CSNK1G2: variants seen among roughly 807,000 people sequenced by gnomAD.
The protein encoded by CSNK1G2 is casein kinase 1 gamma 2, also known as casein kinase I isoform gamma-2.
Under a neutral mutation model 48.0 loss-of-function variants are expected in CSNK1G2, and 11 were observed. That is an observed-to-expected ratio of 0.23 (90% CI 0.14 to 0.38). The LOEUF (loss-of-function observed/expected upper bound fraction) is 0.38. Ranked by LOEUF, CSNK1G2 falls within the 10% of genes least tolerant of loss-of-function variation. The pLI, the probability that CSNK1G2 is intolerant of heterozygous loss-of-function variation, is 1.00. For missense variants in CSNK1G2, 446 were observed against 595.5 expected (o/e 0.75, Z 2.61); for synonymous variants, 337 against 254.1 (o/e 1.33, Z -3.10).
In CSNK1G2 at chr19:1,945,001, G is replaced by A. The variant is rs189021004; in HGVS notation, c.-266+3583G>A. On this transcript the variant is annotated intron_variant, in intron 1 of 11. Coordinates refer to ENST00000255641, the MANE Select transcript of CSNK1G2 (RefSeq NM_001319.7). Reference sequence around the variant, plus strand: ...CCAGCAAGGGCATGGGACAAAGCAGGACATGCCCCGGGTGGCCAGCGTGAG... The same window carrying A: ...CCAGCAAGGGCATGGGACAAAGCAGAACATGCCCCGGGTGGCCAGCGTGAG... Among the ~76,000 whole-genome samples the A allele has an allele frequency of 5.4e-4, 82 of 152,358 alleles. 1 individual carries two copies. The highest frequency in any genetic ancestry group is 4.3e-3 in the South Asian group (21 of 4,832).
At chr19:1,968,554 A>G (rs530131684) in intron 1 of CSNK1G2, among the ~76,000 whole-genome samples, 21 of 152,330 alleles carry the variant, frequency 1.4e-4, no homozygotes, top group African/African-American at 4.3e-4. Flanking sequence ...GTGGGTGGCA[A>G]CAGGCTCTGG....
At position 1,978,758 on chromosome 19, in the gene CSNK1G2, G is replaced by A. The variant is rs753030863; in HGVS notation, c.447+8G>A. On this transcript the variant is annotated splice_region_variant and intron_variant, in intron 5 of 11. Coordinates refer to ENST00000255641, the MANE Select transcript of CSNK1G2 (RefSeq NM_001319.7). This position sits in a 1 kb window ranked among gnomAD's most constrained non-coding sequence, Gnocchi z 7.3. ...ATGATCGCCATCCAGCTGGTGCGCG[G>A]CGGGCGGGGCGGGGCGGGGCTCGGA... 60 of 1,573,378 alleles carry A rather than the reference G, an allele frequency of 3.8e-5. No homozygotes were observed. Among genetic ancestry groups the A allele is most frequent in the Non-Finnish European group, 5.1e-5 (59 of 1,158,998 alleles).
At chr19:1,956,512 G>C (rs114557297) in intron 1 of CSNK1G2, among the ~76,000 whole-genome samples, 2,448 of 152,254 alleles carry the variant, frequency 0.016, 55 homozygotes, top group African/African-American at 0.056. Context: ...GCTAGATCCT[G>C]TCTCAAAAAA....
In CSNK1G2 at chr19:1,966,779, G is replaced by A. The variant is rs550534220; in HGVS notation, c.-265-2729G>A. Among the ~76,000 whole-genome samples the A allele has an allele frequency of 2.1e-4, 32 of 152,248 alleles. 1 individual carries two copies. The highest frequency in any genetic ancestry group is 1.7e-3 in the South Asian group (8 of 4,818). Reference sequence around the variant, plus strand: ...CCACCGCCCCAACGAGTCAGCCGCCGTCCACATTGAGGCAAGACCCTTCTC... The same window carrying A: ...CCACCGCCCCAACGAGTCAGCCGCCATCCACATTGAGGCAAGACCCTTCTC... On this transcript the variant is annotated intron_variant, in intron 1 of 11. Transcript: ENST00000255641.
chr19:1,941,749 A>C (rs1319494033), intron 1 of CSNK1G2, among the ~76,000 whole-genome samples: 19 of 138,884 alleles, frequency 1.4e-4, no homozygotes, highest in Admixed American at 5.6e-4. Context: ...AGTGACCCTC[A>C]CACTCCAGAC....
At chr19:1,942,908 A>C (rs2014421449) in intron 1 of CSNK1G2, among the ~76,000 whole-genome samples, 1 of 152,144 alleles carries the variant, frequency 6.6e-6, no homozygotes, top group Admixed American at 6.5e-5. Context: ...TGAGTTTCCC[A>C]GGCAGGCAGC....
chr19:1,979,429 TG>T, intron 8 of CSNK1G2, 26 bp downstream of exon 8: 1 of 984,738 alleles, frequency 1.0e-6, no homozygotes, highest in Non-Finnish European at 1.4e-6. Flanking sequence ...GCCCCCGCCC[TG>T]TGCCCCCCAC....
At chr19:1,947,667 C>T (rs1303141502) in intron 1 of CSNK1G2, among the ~76,000 whole-genome samples, 3 of 152,186 alleles carry the variant, frequency 2.0e-5, no homozygotes, top group Non-Finnish European at 2.9e-5. Context: ...TGGGCCCTGG[C>T]CACGTGCAGG....
At position 1,942,063 on chromosome 19, in the gene CSNK1G2, T is replaced by TG. The variant is rs912948174; in HGVS notation, c.-266+652dup. ...TCTTGAGGGGGAGAGCAGGGGGTGG[T>TG]GGGGGGGAGGAAGGTGGTCTGATCC... On this transcript the variant is annotated intron_variant, in intron 1 of 11. Transcript: ENST00000255641. Among the ~76,000 whole-genome samples the TG allele has an allele frequency of 3.3e-5, 5 of 150,814 alleles. No individual in the cohort carries two copies. In the East Asian group the frequency reaches 5.9e-4, roughly 18 times the overall value.
chr19:1,952,945 C>T lies in CSNK1G2; in HGVS notation c.-266+11527C>T, dbSNP rs183212922. On this transcript the variant is annotated intron_variant, in intron 1 of 11. Transcript: ENST00000255641. ...GTGGAGGGAAACCGGGGCGGGATGT[C>T]GCCCGGCGGCTCCCACACGATGAGG... 1.1e-3 allele frequency: 503 copies of T among 439,098 alleles called. 3 individuals are homozygous for T. Among genetic ancestry groups the T allele is most frequent in the Admixed American group, 1.6e-3 (44 of 27,812 alleles). 27.2% of individuals were successfully genotyped at this position (439,098 alleles called of 1,614,324 possible).
Position 1,957,567 on chromosome 19 carries a change from T to A in CSNK1G2, c.-265-11941T>A, listed in dbSNP as rs1414858518. On this transcript the variant is annotated intron_variant, in intron 1 of 11. Coordinates refer to ENST00000255641, the MANE Select transcript of CSNK1G2 (RefSeq NM_001319.7). The surrounding 1 kb of genome is among the most constrained non-coding windows in gnomAD (Gnocchi z 5.4). ...GTCCTCACTGAGGGAGCCGAGCAGA[T>A]GCCTTTGCCCCTGCAGGTCCCCCAT... Among the ~76,000 whole-genome samples, 1 of 152,216 alleles carries A rather than the reference T, an allele frequency of 6.6e-6. No individual in the cohort carries two copies. Among genetic ancestry groups the A allele is most frequent in the Non-Finnish European group, 1.5e-5 (1 of 68,024 alleles).
intron 1 of CSNK1G2, among the ~76,000 whole-genome samples, chr19:1,947,445 A>C (rs1242577379): frequency 1.3e-5 from 2 of 152,164 alleles, no homozygotes; most frequent in Non-Finnish European, 1.5e-5. Flanking sequence ...TGTCCGCGGC[A>C]GTTGTGCCCC....
At chr19:1,970,915 C>T (rs1400718101) in intron 2 of CSNK1G2, among the ~76,000 whole-genome samples, 1 of 152,160 alleles carries the variant, frequency 6.6e-6, no homozygotes, top group South Asian at 2.1e-4. Flanking sequence ...ATGGCAGGCA[C>T]TCAGCCCGAT....
intron 1 of CSNK1G2, among the ~76,000 whole-genome samples, chr19:1,966,208 G>A (rs1019154580): frequency 3.3e-5 from 5 of 152,174 alleles, no homozygotes; most frequent in Non-Finnish European, 7.3e-5. Flanking sequence ...TGAAACCCCC[G>A]GAAAGGCTTT....
At chr19:1,962,857 G>A (rs1266048913) in intron 1 of CSNK1G2, among the ~76,000 whole-genome samples, 3 of 152,142 alleles carry the variant, frequency 2.0e-5, no homozygotes, top group South Asian at 2.1e-4. Context: ...GTGGAAGCCC[G>A]CAGCCACGCA....
chr19:1,941,377 C>T lies in CSNK1G2; in HGVS notation c.-307C>T, dbSNP rs1448978426. 11 of 148,042 alleles carry T rather than the reference C, an allele frequency of 7.4e-5. No individual in the cohort carries two copies. The highest frequency in any genetic ancestry group is 2.2e-4 in the African/African-American group (9 of 40,848). The allele number at this position is 148,042 out of a possible 1,614,324, so 9.2% of individuals were successfully genotyped here. A position where few individuals can be genotyped will look rare whatever the true frequency, so the allele number is the denominator to read the frequency against. On this transcript the variant is annotated 5_prime_UTR_variant, in exon 1 of 12. Transcript: ENST00000255641. ...GCTGCGCTGCTGAGGCCGGGCCGGC[C>T]GCCCAGACGCTGCCCGCGGGCCCGG...
chr19:1,958,464 T>TC (rs1486096038), intron 1 of CSNK1G2, among the ~76,000 whole-genome samples: 1 of 30,886 alleles, frequency 3.2e-5, no homozygotes, highest in Non-Finnish European at 6.2e-5. Flanking sequence ...ATCTCCCCTG[T>TC]CCCCCCCATC....
chr19:1,970,460 C>T (rs2015528966), intron 2 of CSNK1G2, among the ~76,000 whole-genome samples: 1 of 152,256 alleles, frequency 6.6e-6, no homozygotes, highest in Non-Finnish European at 1.5e-5. Context: ...GCCCACCTGG[C>T]TCCGTCCCTT....
At position 1,978,892 on chromosome 19, in the gene CSNK1G2, C is replaced by G; in HGVS notation, c.481C>G (p.Leu161Val). 6.2e-7 allele frequency: 1 copy of G among 1,603,304 alleles called. No individual in the cohort carries two copies. Among genetic ancestry groups the G allele is most frequent in the South Asian group, 1.1e-5 (1 of 91,074 alleles). ...CATGGAGTATGTGCACACCAAGAGC[C>G]TAATCTACCGGGACGTGAAGCCCGA... ...TRMEYVHTKS[L>V]IYRDVKPENF... Residue 161 changes from leucine (L) to valine (V), a missense_variant, in exon 6 of 12, where the codon CTA (leucine) becomes GTA (valine). Transcript: ENST00000255641. This position sits in a 1 kb window ranked among gnomAD's most constrained non-coding sequence, Gnocchi z 7.3.
Sources: gnomAD v4.1 joint callset for allele counts (sites outside exome capture counted in the v4.1 genomes callset) on GRCh38, gnomAD v4.1.1 for gene constraint, Gnocchi (gnomAD v3.1) non-coding constraint, MANE v1.5 for transcripts, NCBI Gene and HGNC (gene_info 2026-07-23, HGNC 2026-07-21) for gene names.